FRAS1: variants seen among roughly 807,000 people sequenced by gnomAD.
FRAS1 encodes the protein Fraser extracellular matrix complex subunit 1.
FRAS1 carries 290 observed loss-of-function variants against 435.2 expected under a neutral mutation model. The observed-to-expected ratio is 0.67, with a 90% confidence interval of 0.61 to 0.73. The LOEUF is 0.73. Among genes scored for constraint, FRAS1 ranks in the 30% least tolerant of loss-of-function variants. The pLI is 0.00. For missense variants in FRAS1, 4,860 were observed against 5,001.5 expected (o/e 0.97, Z 0.85); for synonymous variants, 1,800 against 1,851.0 (o/e 0.97, Z 0.71).
At chr4:78,192,919 A>C (rs1395426618) in intron 2 of FRAS1, among the ~76,000 whole-genome samples, 1 of 152,180 alleles carries the variant, frequency 6.6e-6, no homozygotes, top group Non-Finnish European at 1.5e-5. Context: ...TGGTACTATA[A>C]ATTTCCCTCT....
chr4:78,212,484 T>C (rs1723558550), intron 2 of FRAS1, among the ~76,000 whole-genome samples: 2 of 152,192 alleles, frequency 1.3e-5, no homozygotes, highest in South Asian at 4.1e-4. Context: ...AGGTCTGTCC[T>C]AAGGCAAGCA....
chr4:78,441,443 A>C, intron 41 of FRAS1, 146 bp downstream of exon 41: 3 of 796,514 alleles, frequency 3.8e-6, no homozygotes, highest in Non-Finnish European at 5.9e-6. Context: ...GGAAGGTTTC[A>C]TTCATTCAAC....
In FRAS1 at chr4:78,267,103, AG is replaced by A. The variant is rs1331193797; in HGVS notation, c.790-135del. On this transcript the variant is annotated intron_variant, in intron 8 of 73. Transcript: ENST00000512123. ...TCCTAGGAAGAAGGGTTGAGGTGCAAGGGACCCTGCCCATCGTGGGTCGGGC... is the reference window on the plus strand; with the variant it reads ...TCCTAGGAAGAAGGGTTGAGGTGCAAGGACCCTGCCCATCGTGGGTCGGGC... 8.4e-6 allele frequency: 8 copies of A among 954,140 alleles called. No individual in the cohort carries two copies. The African/African-American group carries it at 1.3e-4, about 16-fold the overall frequency. 59.1% of individuals were successfully genotyped at this position (954,140 alleles called of 1,614,324 possible). A position where few individuals can be genotyped will look rare whatever the true frequency, so the allele number is the denominator to read the frequency against.
At chr4:78,379,692 A>G in intron 26 of FRAS1, 34 bp from the exon 27 acceptor site, 1 of 1,589,664 alleles carries the variant, frequency 6.3e-7, no homozygotes, top group Middle Eastern at 2.0e-4. Flanking sequence ...TGAAGGTACC[A>G]TAAGCTTGAC....
At position 78,317,197 on chromosome 4, in the gene FRAS1, C is replaced by G. The variant is rs368868484; in HGVS notation, c.1820-171C>G. Among the ~76,000 whole-genome samples, 251 of 152,302 alleles carry G rather than the reference C, an allele frequency of 1.6e-3. 2 individuals carry two copies. Among genetic ancestry groups the G allele is most frequent in the African/African-American group, 5.8e-3 (241 of 41,568 alleles). ...AGAGCATGGCTAAATGGTGGGTAAA[C>G]GGCCATGTGGGCAGTTCTGGCAGTG... On this transcript the variant is annotated intron_variant, in intron 16 of 73. Coordinates refer to ENST00000512123, the MANE Select transcript of FRAS1 (RefSeq NM_025074.7).
chr4:78,406,453 A>G (rs1473176472), intron 30 of FRAS1, among the ~76,000 whole-genome samples: 3 of 152,304 alleles, frequency 2.0e-5, no homozygotes, highest in East Asian at 3.9e-4. Context: ...CTTACATGGC[A>G]GCAGCAAGAG....
intron 61 of FRAS1, among the ~76,000 whole-genome samples, chr4:78,503,414 A>T (rs925842170): frequency 5.9e-5 from 9 of 152,156 alleles, no homozygotes; most frequent in Admixed American, 5.2e-4. Flanking sequence ...CTGTTCAGAG[A>T]TTCAACTTCT....
In FRAS1 at chr4:78,487,464, T is replaced by C. The variant is rs556686250; in HGVS notation, c.8753-1411T>C. 2.6e-5 allele frequency among the ~76,000 whole-genome samples: 4 copies of C among 152,148 alleles called. No homozygotes were observed. In the East Asian group the frequency reaches 7.7e-4, roughly 29 times the overall value. ...TTCCTTTCTGGGTTGGTGGGGTGTG[T>C]CCAGGAGGCAGCCAGGAAATTGGTG... On this transcript the variant is annotated intron_variant, in intron 58 of 73. Transcript: ENST00000512123.
chr4:78,090,549 G>A lies in FRAS1; in HGVS notation c.108+24533G>A, dbSNP rs1333384615. On this transcript the variant is annotated intron_variant, in intron 2 of 73. Coordinates refer to ENST00000512123, the MANE Select transcript of FRAS1 (RefSeq NM_025074.7). The stretch of plus-strand genomic sequence containing the variant: ...GGCTTTGTAGGTCAAAGAGGCCTCC[G>A]TCACTTTTAAACTTAATCTTGGAGT... 2.6e-5 allele frequency among the ~76,000 whole-genome samples: 4 copies of A among 152,048 alleles called. No homozygotes were observed. The East Asian group carries it at 5.8e-4, about 22-fold the overall frequency.
intron 14 of FRAS1, among the ~76,000 whole-genome samples, chr4:78,295,509 T>G (rs967021957): frequency 1.3e-5 from 2 of 152,208 alleles, no homozygotes; most frequent in African/African-American, 4.8e-5. Flanking sequence ...ATGAAGCATG[T>G]GGAGTTAATC....
intron 2 of FRAS1, among the ~76,000 whole-genome samples, chr4:78,103,017 A>G (rs1253154670): frequency 6.6e-6 from 1 of 152,146 alleles, no homozygotes; most frequent in African/African-American, 2.4e-5. Context: ...GAAACAGCTC[A>G]TTGCTTTCTA....
At chr4:78,309,441 C>G (rs1728928168) in intron 15 of FRAS1, among the ~76,000 whole-genome samples, 1 of 152,182 alleles carries the variant, frequency 6.6e-6, no homozygotes. Flanking sequence ...AGCATTCTAT[C>G]AGTGTTTGGT....
At chr4:78,429,501 G>A (rs7695148) in intron 36 of FRAS1, among the ~76,000 whole-genome samples, 3 of 152,206 alleles carry the variant, frequency 2.0e-5, no homozygotes, top group East Asian at 3.9e-4. Flanking sequence ...AAAATATAAA[G>A]TAATAGAGCG....
intron 2 of FRAS1, among the ~76,000 whole-genome samples, chr4:78,150,026 A>G (rs1332442367): frequency 6.6e-6 from 1 of 152,190 alleles, no homozygotes; most frequent in Non-Finnish European, 1.5e-5. Context: ...ATTGGACATA[A>G]TGAAGCAGAA....
At chr4:78,180,999 G>T in intron 2 of FRAS1, 1 of 1,607,962 alleles carries the variant, frequency 6.2e-7, no homozygotes, top group Non-Finnish European at 8.5e-7. Context: ...GCCACGTCCT[G>T]GGCGGCCAAG....
At chr4:78,157,002 C>A (rs1720917940) in intron 2 of FRAS1, among the ~76,000 whole-genome samples, 3 of 152,192 alleles carry the variant, frequency 2.0e-5, no homozygotes, top group Admixed American at 2.0e-4. Flanking sequence ...TGCAGCTTCA[C>A]TCTTTGTTTG....
intron 31 of FRAS1, among the ~76,000 whole-genome samples, chr4:78,410,438 A>G (rs2170900): frequency 7.2e-6 from 1 of 138,272 alleles, no homozygotes; most frequent in Non-Finnish European, 1.6e-5. Context: ...AAATAAAATA[A>G]CAAAAAATAA....
Position 78,445,691 on chromosome 4 carries a change from C to T in FRAS1, c.5835C>T (p.His1945=), listed in dbSNP as rs1560732643. 6.2e-7 allele frequency: 1 copy of T among 1,613,902 alleles called. No homozygotes were observed. Residue 1945 remains histidine (H), a synonymous_variant, in exon 42 of 74, where the codon CAC becomes CAT. Coordinates refer to ENST00000512123, the MANE Select transcript of FRAS1 (RefSeq NM_025074.7). ...ATGGAACCAGTCGTTCAGAAATTCA[C>T]AGCATCAATATCACCATTGAGGTAA... is the stretch of plus-strand genomic sequence containing the variant. ...VSDGTSRSEI[H]SINITIERKN...
chr4:78,237,657 T>G lies in FRAS1; in HGVS notation c.216+40T>G. 3 of 1,167,266 alleles carry G rather than the reference T, an allele frequency of 2.6e-6. No individual in the cohort carries two copies. The South Asian group carries it at 5.2e-5, about 20-fold the overall frequency. 72.3% of individuals were successfully genotyped at this position (1,167,266 alleles called of 1,614,324 possible). A position where few individuals can be genotyped will look rare whatever the true frequency, so the allele number is the denominator to read the frequency against. ...TTGTGTCCTAAATGTATTGGTAAAG[T>G]CAGTGAAGGGTCAGGTTTTTGGATC... On this transcript the variant is annotated intron_variant, in intron 3 of 73. Coordinates refer to ENST00000512123, the MANE Select transcript of FRAS1 (RefSeq NM_025074.7).
Sources: allele counts gnomAD v4.1 joint callset (sites outside exome capture counted in the v4.1 genomes callset), GRCh38; gene constraint gnomAD v4.1.1; transcripts MANE v1.5; gene names NCBI Gene and HGNC (gene_info 2026-07-23, HGNC 2026-07-21).